The following KCNN3 variants were observed in gnomAD, a reference collection of about 807,000 sequenced individuals.
KCNN3 encodes the protein small conductance calcium-activated potassium channel protein 3.
KCNN3 carries 16 observed loss-of-function variants against 62.9 expected under a neutral mutation model. That is an observed-to-expected ratio of 0.25 (90% confidence interval 0.17 to 0.39). KCNN3 has a LOEUF of 0.39. KCNN3 is among the 10% of genes least tolerant of loss of function. KCNN3 has a pLI of 1.00. For missense variants in KCNN3, 599 were observed against 949.4 expected (o/e 0.63, Z 4.85); for synonymous variants, 370 against 389.2 (o/e 0.95, Z 0.58).
At chr1:154,860,642 G>A (rs1014046480) in intron 1 of KCNN3, among the ~76,000 whole-genome samples, 2 of 152,294 alleles carry the variant, frequency 1.3e-5, no homozygotes, top group African/African-American at 2.4e-5. Flanking sequence ...AGCTTGTCAC[G>A]GACGGGAAGC....
In KCNN3 at chr1:154,699,978, C is replaced by T. The variant is rs543976372; in HGVS notation, c.*7998G>A. 6.6e-6 allele frequency: 1 copy of T among 152,224 alleles called. No individual in the cohort carries two copies. Among genetic ancestry groups the T allele is most frequent in the South Asian group, 2.1e-4 (1 of 4,824 alleles). 9.4% of individuals were successfully genotyped at this position (152,224 alleles called of 1,614,324 possible). A position where few individuals can be genotyped will look rare whatever the true frequency, so the allele number is the denominator to read the frequency against. On this transcript the variant is annotated 3_prime_UTR_variant, in exon 8 of 8. Coordinates refer to ENST00000271915, the MANE Select transcript of KCNN3 (RefSeq NM_002249.6). ...AGGTAAGACCGGAAAAAGACTATCTCTTATTGACTTTATTATGTTTGATGT... is the reference window on the plus strand; with the variant it reads ...AGGTAAGACCGGAAAAAGACTATCTTTTATTGACTTTATTATGTTTGATGT...
Position 154,772,960 on chromosome 1 carries a change from C to A in KCNN3, c.1030-567G>T. Among the ~76,000 whole-genome samples, 1 of 152,042 alleles carries A rather than the reference C, an allele frequency of 6.6e-6. No homozygotes were observed. The highest frequency in any genetic ancestry group is 1.5e-5 in the Non-Finnish European group (1 of 68,022). Reference sequence around the variant, plus strand: ...TGGCCAATGATGTCATCAATTATGTCGGTGTAATGAAACCTCCACAAAATC... The same window carrying A: ...TGGCCAATGATGTCATCAATTATGTAGGTGTAATGAAACCTCCACAAAATC... On this transcript the variant is annotated intron_variant, in intron 2 of 7. Coordinates refer to ENST00000271915, the MANE Select transcript of KCNN3 (RefSeq NM_002249.6). The surrounding 1 kb of genome is among the most constrained non-coding windows in gnomAD (Gnocchi z 5.6).
chr1:154,737,864 G>T (rs1368229203), intron 3 of KCNN3, among the ~76,000 whole-genome samples: 1 of 152,230 alleles, frequency 6.6e-6, no homozygotes, highest in Admixed American at 6.5e-5. Flanking sequence ...TGAGGCTGCA[G>T]TGAGCTATGA....
In KCNN3 at chr1:154,725,974, A is replaced by T. The variant is rs1164856301; in HGVS notation, c.1643T>A (p.Leu548His). Residue 548 changes from leucine to histidine, a missense_variant, in exon 5 of 8, where the codon CTC (leucine) becomes CAC (histidine). Physicochemically the swap from Leu to His is moderately conservative, Grantham distance 99. This residue lies in a region of KCNN3 where 288 missense variants were observed against 557.4 expected (regional missense o/e 0.52). Coordinates refer to ENST00000271915, the MANE Select transcript of KCNN3 (RefSeq NM_002249.6). The part of the protein sequence containing the change: ...VVAVVARKLE[L>H]TKAEKHVHNF... ...ATGAACGTGCTTCTCCGCTTTGGTG[A>T]GTTCCAGCTTTCGGGCCACCACGGC... 1 of 1,614,006 alleles carries T rather than the reference A, an allele frequency of 6.2e-7. No individual in the cohort carries two copies. Among genetic ancestry groups the T allele is most frequent in the Non-Finnish European group, 8.5e-7 (1 of 1,180,016 alleles).
At position 154,870,266 on chromosome 1, in the gene KCNN3, T is replaced by C. The variant is rs1382662099; in HGVS notation, c.-302A>G. On this transcript the variant is annotated 5_prime_UTR_variant, in exon 1 of 8. Coordinates refer to ENST00000271915, the MANE Select transcript of KCNN3 (RefSeq NM_002249.6). ...CGTGTGAGGCCAGGCTCAGCTTCACTCCTCGCTGGCTCAATAGCTTCGCTC... is the reference window on the plus strand; with the variant it reads ...CGTGTGAGGCCAGGCTCAGCTTCACCCCTCGCTGGCTCAATAGCTTCGCTC... 3.6e-6 allele frequency: 2 copies of C among 561,822 alleles called. No individual in the cohort carries two copies. The highest frequency in any genetic ancestry group is 3.7e-5 in the East Asian group (1 of 27,366). 34.8% of individuals were successfully genotyped at this position (561,822 alleles called of 1,614,324 possible). A position where few individuals can be genotyped will look rare whatever the true frequency, so the allele number is the denominator to read the frequency against.
chr1:154,791,759 C>T (rs1557978395), intron 2 of KCNN3, among the ~76,000 whole-genome samples: 1 of 152,162 alleles, frequency 6.6e-6, no homozygotes, highest in Non-Finnish European at 1.5e-5. Flanking sequence ...AGTTGTGCTC[C>T]TCTGCTGCCA....
rs150313898 is a variant in KCNN3 at position 154,713,524 on chromosome 1, G to A, written c.1839C>T (p.Ser613=). 7.9e-5 allele frequency: 127 copies of A among 1,613,562 alleles called. No homozygotes were observed. The East Asian group carries it at 2.6e-3, about 33-fold the overall frequency. ...TCAGCTTCCTCTGTTCCATCTTGACGCTCCTCAACCTGTGGGGAAGAATGG... is the reference window on the plus strand; with the variant it reads ...TCAGCTTCCTCTGTTCCATCTTGACACTCCTCAACCTGTGGGGAAGAATGG... ...KFLQAIHQLR[S]VKMEQRKLSD... The change falls in exon 7 of 8, where the codon AGC becomes AGT. Residue 613 remains serine, a synonymous_variant. Transcript: ENST00000271915.
rs764662697 is a variant in KCNN3 at position 154,869,840 on chromosome 1, GGCTGCTGCTGCTGTTGCTGCTGCT to G, written c.101_124del (p.Gln34_Gln41del). The G allele has an allele frequency of 3.2e-6, 5 of 1,571,638 alleles. No homozygotes were observed. The African/African-American group carries it at 4.1e-5, about 13-fold the overall frequency. ...GGCTGCTGGTGGCGCTGGCGGTGGTGGCTGCTGCTGCTGTTGCTGCTGCTGCTGCTGCTGCTGCTCATCCCCAGA... is the reference window on the plus strand; with the variant it reads ...GGCTGCTGGTGGCGCTGGCGGTGGTGGCTGCTGCTGCTGCTCATCCCCAGA... On this transcript the variant is annotated inframe_deletion, in exon 1 of 8. Transcript: ENST00000271915. The surrounding 1 kb of genome is among the most constrained non-coding windows in gnomAD (Gnocchi z 6.1).
At chr1:154,868,650 T>C (rs1653043701) in intron 1 of KCNN3, among the ~76,000 whole-genome samples, 1 of 152,118 alleles carries the variant, frequency 6.6e-6, no homozygotes, top group Non-Finnish European at 1.5e-5. Flanking sequence ...TGCTGGGTTA[T>C]GCTTTAGTAC....
rs545232392 is a variant in KCNN3 at position 154,775,497 on chromosome 1, A to T, written c.1030-3104T>A. On this transcript the variant is annotated intron_variant, in intron 2 of 7. Coordinates refer to ENST00000271915, the MANE Select transcript of KCNN3 (RefSeq NM_002249.6). ...ATGGATTGAAAGGGTTTAATAAACT[A>T]CAAAGGATCATTTGTTCATTCATTC... Among the ~76,000 whole-genome samples the T allele has an allele frequency of 5.1e-4, 78 of 152,316 alleles. 1 individual carries two copies. In the South Asian group the frequency reaches 0.016, roughly 30 times the overall value.
At chr1:154,713,724 CCA>C (rs1700124186) in intron 6 of KCNN3, among the ~76,000 whole-genome samples, 191 bp from the exon 7 acceptor site, 1 of 152,056 alleles carries the variant, frequency 6.6e-6, no homozygotes, top group Non-Finnish European at 1.5e-5. Context: ...ACTCTTGTCT[CCA>C]CGCATGCTCA....
intron 2 of KCNN3, among the ~76,000 whole-genome samples, chr1:154,774,127 A>G (rs1648694013): frequency 2.0e-5 from 3 of 152,248 alleles, no homozygotes; most frequent in African/African-American, 7.2e-5. Flanking sequence ...TATATGCAAC[A>G]TGCATGGAAT....
chr1:154,747,988 C>T (rs1700976484), intron 3 of KCNN3, among the ~76,000 whole-genome samples: 2 of 152,194 alleles, frequency 1.3e-5, no homozygotes, highest in African/African-American at 2.4e-5. Context: ...CCCTTCTTCC[C>T]CATTCTCCCT....
At chr1:154,786,029 A>G (rs2101856308) in intron 2 of KCNN3, among the ~76,000 whole-genome samples, 1 of 152,336 alleles carries the variant, frequency 6.6e-6, no homozygotes, top group Non-Finnish European at 1.5e-5. Context: ...CCACACTCTC[A>G]TCTATTAAGT....
At chr1:154,713,198 T>C (rs1227234162) in intron 7 of KCNN3, among the ~76,000 whole-genome samples, 1 of 152,172 alleles carries the variant, frequency 6.6e-6, no homozygotes, top group African/African-American at 2.4e-5. Context: ...GGAAAAGGTT[T>C]AGTCAGCTCA....
At chr1:154,821,369 C>T (rs957614193) in intron 2 of KCNN3, among the ~76,000 whole-genome samples, 4 of 152,124 alleles carry the variant, frequency 2.6e-5, no homozygotes, top group African/African-American at 9.7e-5. Flanking sequence ...CCTGAAGGGC[C>T]GGGGGCTGGG....
At chr1:154,728,570 G>A (rs911152987) in intron 4 of KCNN3, among the ~76,000 whole-genome samples, 5 of 152,042 alleles carry the variant, frequency 3.3e-5, no homozygotes, top group East Asian at 1.9e-4. Flanking sequence ...CAGACTGTGC[G>A]GGGTGCGGGG....
At chr1:154,820,681 G>C (rs948565675) in intron 2 of KCNN3, among the ~76,000 whole-genome samples, 2 of 152,216 alleles carry the variant, frequency 1.3e-5, no homozygotes, top group African/African-American at 2.4e-5. Flanking sequence ...CTGAGTTAAA[G>C]TCCACCACTC....
chr1:154,848,283 C>T (rs986204953), intron 1 of KCNN3, among the ~76,000 whole-genome samples: 1 of 152,180 alleles, frequency 6.6e-6, no homozygotes, highest in Non-Finnish European at 1.5e-5. Context: ...AACTCAGATA[C>T]CCAGGATGGA....
Sources: gnomAD v4.1 joint callset for allele counts (sites outside exome capture counted in the v4.1 genomes callset) on GRCh38, gnomAD v4.1.1 for gene constraint, gnomAD v4.1.1 regional missense constraint, Gnocchi (gnomAD v3.1) non-coding constraint, MANE v1.5 for transcripts, NCBI Gene and HGNC (gene_info 2026-07-23, HGNC 2026-07-21) for gene names.